Variants in SCARA5 observed in about 807,000 individuals in gnomAD.
SCARA5 encodes the protein scavenger receptor class A member 5, also known as scavenger receptor class A, member 5 (putative).
Under a neutral mutation model 46.3 loss-of-function variants are expected in SCARA5, and 45 were observed. The observed-to-expected ratio is 0.97, with a 90% CI of 0.76 to 1.24. The LOEUF is 1.24. Among genes scored for constraint, SCARA5 ranks in the 50% most tolerant of loss-of-function variants. The pLI, the probability that SCARA5 is intolerant of heterozygous loss-of-function variation, is 0.00. For missense variants in SCARA5, 680 were observed against 689.0 expected, an observed-to-expected ratio of 0.99 and a Z score of 0.15; for synonymous variants, 333 against 306.5, an observed-to-expected ratio of 1.09 and a Z score of -0.90.
chr8:27,968,874 G>A (rs775325956), intron 2 of SCARA5, among the ~76,000 whole-genome samples: 1 of 152,144 alleles, frequency 6.6e-6, no homozygotes, highest in Non-Finnish European at 1.5e-5. Flanking sequence ...CTCTACCTGA[G>A]GCTTCTATTT....
intron 2 of SCARA5, among the ~76,000 whole-genome samples, chr8:27,972,151 T>C (rs1808455970): frequency 6.6e-6 from 1 of 151,996 alleles, no homozygotes; most frequent in South Asian, 2.1e-4. Context: ...ACCCCGTCTC[T>C]GCTAAAAATA....
Position 27,966,423 on chromosome 8 carries a change from T to G in SCARA5, c.232A>C (p.Ile78Leu). ...AATGGCCTGCTCTTACCTGCTAAGA[T>G]GAAGATGCCCACAAGAATCAGGAAG... is the stretch of plus-strand genomic sequence containing the variant. Reference protein sequence around the residue: ...LVFLILVGIFILAVSRPRSSP... With the variant: ...LVFLILVGIFLLAVSRPRSSP... Residue 78 changes from isoleucine (I) to leucine (L), a missense_variant, in exon 3 of 9, where the codon ATC (isoleucine) becomes CTC (leucine). Physicochemically the swap from Ile to Leu is conservative, Grantham distance 5. This residue lies in a region of SCARA5 where 438 missense variants were observed against 384.5 expected (regional missense o/e 1.14). Transcript: ENST00000354914. 3.1e-6 allele frequency: 5 copies of G among 1,609,630 alleles called. No individual in the cohort carries two copies. Among genetic ancestry groups the G allele is most frequent in the Non-Finnish European group, 4.2e-6 (5 of 1,178,838 alleles).
intron 5 of SCARA5, among the ~76,000 whole-genome samples, chr8:27,909,381 G>A (rs1446149673): frequency 1.3e-5 from 2 of 152,156 alleles, no homozygotes; most frequent in South Asian, 4.1e-4. Context: ...TGCATGCTCT[G>A]CTCACACAGA....
chr8:27,923,602 A>C (rs993552203), intron 3 of SCARA5, among the ~76,000 whole-genome samples: 3 of 151,952 alleles, frequency 2.0e-5, no homozygotes, highest in African/African-American at 7.3e-5. Flanking sequence ...ACAGAGTCTC[A>C]CTCTGTTGCT....
At position 27,922,101 on chromosome 8, in the gene SCARA5, T is replaced by C; in HGVS notation, c.386A>G (p.Gln129Arg). The change falls in exon 4 of 9, where the codon CAG (glutamine) becomes CGG (arginine). Residue 129 changes from glutamine to arginine, a missense_variant. Coordinates refer to ENST00000354914, the MANE Select transcript of SCARA5 (RefSeq NM_173833.6). Reference protein sequence around the residue: ...ADLTEQVWKVQDALQNQSDSL... With the variant: ...ADLTEQVWKVRDALQNQSDSL... ...GTCTGACTGGTTCTGCAGCGCGTCC[T>C]GCACCTTCCACACCTGCTCCGTCAG... 6.2e-7 allele frequency: 1 copy of C among 1,604,378 alleles called. No homozygotes were observed.
chr8:27,943,422 ACT>A (rs1807982943), intron 3 of SCARA5, among the ~76,000 whole-genome samples: 1 of 152,124 alleles, frequency 6.6e-6, no homozygotes, highest in Non-Finnish European at 1.5e-5. Context: ...CGGGAGTGAG[ACT>A]CTGACTAAAA....
chr8:27,898,682 C>G lies in SCARA5; in HGVS notation c.1153+6096G>C, dbSNP rs548687576. Among the ~76,000 whole-genome samples the G allele has an allele frequency of 1.5e-4, 23 of 152,264 alleles. 1 individual carries two copies. In the South Asian group the frequency reaches 2.5e-3, roughly 16 times the overall value. ...TCATAGTAAGCCCCTTCCAACCATACCTGAGTTTGGGTGGGATCGAAGGAT... is the reference window on the plus strand; with the variant it reads ...TCATAGTAAGCCCCTTCCAACCATAGCTGAGTTTGGGTGGGATCGAAGGAT... On this transcript the variant is annotated intron_variant, in intron 7 of 8. Transcript: ENST00000354914.
At chr8:27,991,863 A>ACACACACACACATG (rs576443214) in intron 1 of SCARA5, among the ~76,000 whole-genome samples, 8 of 145,940 alleles carry the variant, frequency 5.5e-5, no homozygotes, top group South Asian at 2.1e-4. Context: ...ACACACATGC[A>ACACACACACACATG]CACACACACA....
At chr8:27,975,758 C>A (rs919303979) in intron 2 of SCARA5, among the ~76,000 whole-genome samples, 3 of 152,146 alleles carry the variant, frequency 2.0e-5, no homozygotes, top group Non-Finnish European at 4.4e-5. Flanking sequence ...CTCTGCCCTG[C>A]TGCATCCCAG....
intron 3 of SCARA5, among the ~76,000 whole-genome samples, chr8:27,942,526 CGGATCACTGCCATGCCT>C (rs1404252404): frequency 1.3e-5 from 2 of 152,296 alleles, no homozygotes; most frequent in East Asian, 1.9e-4. Flanking sequence ...TGGCCATGCC[CGGATCACTGCCATGCCT>C]GGATCCAGAG....
intron 2 of SCARA5, among the ~76,000 whole-genome samples, chr8:27,987,070 C>G (rs1808716132): frequency 6.6e-6 from 1 of 152,220 alleles, no homozygotes; most frequent in African/African-American, 2.4e-5. Context: ...CACCCAGGGG[C>G]AGGATGAGCA....
rs995434457 is a variant in SCARA5 at position 27,904,768 on chromosome 8, A to G, written c.1153+10T>C. The stretch of plus-strand genomic sequence containing the variant: ...CACCATATCCCACGGCCCCAGCAGA[A>G]TGTCCTTACTGGCATCCCCAGCTCT... On this transcript the variant is annotated intron_variant, in intron 7 of 8. Coordinates refer to ENST00000354914, the MANE Select transcript of SCARA5 (RefSeq NM_173833.6). The G allele has an allele frequency of 2.5e-6, 4 of 1,612,878 alleles. No individual in the cohort carries two copies. The highest frequency in any genetic ancestry group is 1.7e-5 in the Admixed American group (1 of 60,004).
In SCARA5 at chr8:27,879,719, G is replaced by A; in HGVS notation, c.1201C>T (p.Pro401Ser). Reference sequence around the variant, plus strand: ...TACACTTCCACGCGGCCCTCGTGCGGACCTGAGCCATTCACCAGGCGGATC... The same window carrying A: ...TACACTTCCACGCGGCCCTCGTGCGAACCTGAGCCATTCACCAGGCGGATC... ...MMIRLVNGSGPHEGRVEVYHD... is the reference protein window; with the variant it reads ...MMIRLVNGSGSHEGRVEVYHD... Residue 401 changes from proline to serine, a missense_variant, in exon 8 of 9, where the codon CCG becomes TCG. Pro to Ser is a moderately conservative substitution (Grantham distance 74). Around this residue, in one of 3 missense-constraint regions of SCARA5, gnomAD observed 219 missense variants for 269.5 expected, o/e 0.81. Transcript: ENST00000354914. 1 of 1,613,088 alleles carries A rather than the reference G, an allele frequency of 6.2e-7. No homozygotes were observed. The highest frequency in any genetic ancestry group is 8.5e-7 in the Non-Finnish European group (1 of 1,180,016).
At chr8:27,938,847 A>C (rs996673491) in intron 3 of SCARA5, among the ~76,000 whole-genome samples, 5 of 152,242 alleles carry the variant, frequency 3.3e-5, no homozygotes, top group Non-Finnish European at 7.3e-5. Context: ...ACCTCATTTC[A>C]TCACTGAGCC....
chr8:27,969,223 T>G (rs1250642420), intron 2 of SCARA5, among the ~76,000 whole-genome samples: 1 of 152,190 alleles, frequency 6.6e-6, no homozygotes, highest in African/African-American at 2.4e-5. Flanking sequence ...ACCTTTCAAA[T>G]TATTTAAACT....
chr8:27,879,391 A>G (rs1044190872), intron 8 of SCARA5, among the ~76,000 whole-genome samples, 178 bp downstream of exon 8: 1 of 152,026 alleles, frequency 6.6e-6, no homozygotes, highest in African/African-American at 2.4e-5. Flanking sequence ...GAACTGTCTG[A>G]TGACCACCGG....
At chr8:27,986,481 G>A (rs191977664) in intron 2 of SCARA5, among the ~76,000 whole-genome samples, 15 of 148,980 alleles carry the variant, frequency 1.0e-4, no homozygotes, top group South Asian at 4.3e-4. Context: ...GGCCTGACAC[G>A]TCGTGGATCC....
chr8:27,901,866 C>T (rs1397751776), intron 7 of SCARA5, among the ~76,000 whole-genome samples: 1 of 152,208 alleles, frequency 6.6e-6, no homozygotes. Context: ...GTCAGGAAGT[C>T]AGCGGCTGGG....
rs150790978 is a variant in SCARA5 at position 27,953,288 on chromosome 8, C to T, written c.241+13126G>A. Among the ~76,000 whole-genome samples the T allele has an allele frequency of 7.9e-3, 1,203 of 152,316 alleles. 22 individuals are homozygous for T. Among genetic ancestry groups the T allele is most frequent in the African/African-American group, 0.028 (1,153 of 41,580 alleles). On this transcript the variant is annotated intron_variant, in intron 3 of 8. Coordinates refer to ENST00000354914, the MANE Select transcript of SCARA5 (RefSeq NM_173833.6). ...GTGGGTCTGCTGCAGGAGCCCTTTG[C>T]TCTTCCTGCCCACGGAGGATGCGGT... is the stretch of plus-strand genomic sequence containing the variant.
Sources: allele counts gnomAD v4.1 joint callset (sites outside exome capture counted in the v4.1 genomes callset), GRCh38; gene constraint gnomAD v4.1.1; regional missense constraint gnomAD v4.1.1; transcripts MANE v1.5; gene names NCBI Gene and HGNC (gene_info 2026-07-23, HGNC 2026-07-21).